Variants in TASP1 observed in about 807,000 individuals in gnomAD.
TASP1 encodes threonine aspartase 1.
A neutral mutation model predicts 56.6 loss-of-function variants in TASP1; 16 were observed. The observed-to-expected ratio is 0.28, with a 90% CI of 0.19 to 0.43. The LOEUF (loss-of-function observed/expected upper bound fraction) is 0.43. Ranked by LOEUF, TASP1 falls within the 20% of genes least tolerant of loss-of-function variation. TASP1 has a pLI of 1.00. For missense variants in TASP1, 393 were observed against 511.6 expected, an observed-to-expected ratio of 0.77 and a Z score of 2.24; for synonymous variants, 179 against 184.2, an observed-to-expected ratio of 0.97 and a Z score of 0.23.
intron 2 of TASP1, 44 bp downstream of exon 2, chr20:13,629,890 A>C (rs1294189324): frequency 6.2e-7 from 1 of 1,608,762 alleles, no homozygotes; most frequent in Admixed American, 1.7e-5. Flanking sequence ...AGAAAAAGAA[A>C]AATCAACATT....
intron 11 of TASP1, among the ~76,000 whole-genome samples, chr20:13,474,175 T>C (rs1393497291): frequency 6.6e-6 from 1 of 152,236 alleles, no homozygotes; most frequent in Admixed American, 6.5e-5. Context: ...TTCAATGGTT[T>C]TGAGTTACAT....
At chr20:13,335,937 C>T in the TASP1 span, among the ~76,000 whole-genome samples, 17 of 151,978 alleles carry the variant, frequency 1.1e-4, no homozygotes, top group Admixed American at 3.3e-4. Context: ...AAAATTTTCC[C>T]GGAACTAAAA....
At chr20:13,373,050 T>A in the TASP1 span, among the ~76,000 whole-genome samples, 2 of 151,892 alleles carry the variant, frequency 1.3e-5, no homozygotes, top group East Asian at 3.9e-4. Context: ...CAAAGAAGAG[T>A]AGGTATTTAT....
intron 10 of TASP1, among the ~76,000 whole-genome samples, chr20:13,503,286 G>C (rs1568518805): frequency 6.6e-6 from 1 of 152,000 alleles, no homozygotes; most frequent in East Asian, 1.9e-4. Flanking sequence ...AACTCCCCAA[G>C]CATGACCCCA....
chr20:13,376,605 T>G, the TASP1 span, among the ~76,000 whole-genome samples: 3 of 152,222 alleles, frequency 2.0e-5, no homozygotes, highest in African/African-American at 7.2e-5. Context: ...TTTTTTCTAA[T>G]TCTGTGAATA....
the TASP1 span, among the ~76,000 whole-genome samples, chr20:13,225,644 T>C: frequency 6.6e-6 from 1 of 152,176 alleles, no homozygotes; most frequent in Non-Finnish European, 1.5e-5. Context: ...ATTGGGTAAC[T>C]GGCTGATGAA....
chr20:13,483,037 G>A (rs2043193714), intron 11 of TASP1, among the ~76,000 whole-genome samples, 190 bp downstream of exon 11: 1 of 152,120 alleles, frequency 6.6e-6, no homozygotes, highest in Non-Finnish European at 1.5e-5. Context: ...TTAGTTATAT[G>A]GAAGATTTCA....
At chr20:13,325,478 CCA>C in the TASP1 span, among the ~76,000 whole-genome samples, 1 of 151,980 alleles carries the variant, frequency 6.6e-6, no homozygotes, top group African/African-American at 2.4e-5. Context: ...ATGAGAGGGT[CCA>C]CAGTTTCTGC....
At chr20:13,320,974 G>A in the TASP1 span, among the ~76,000 whole-genome samples, 6 of 152,044 alleles carry the variant, frequency 3.9e-5, no homozygotes, top group African/African-American at 1.2e-4. Flanking sequence ...CGAGGCTGGT[G>A]GATCAGTTGG....
intron 11 of TASP1, among the ~76,000 whole-genome samples, chr20:13,479,218 T>C (rs1349567139): frequency 6.6e-6 from 1 of 152,108 alleles, no homozygotes; most frequent in African/African-American, 2.4e-5. Context: ...ATATACAATT[T>C]TTCTACACAT....
the TASP1 span, among the ~76,000 whole-genome samples, chr20:13,271,886 C>T: frequency 1.3e-5 from 2 of 152,202 alleles, no homozygotes; most frequent in African/African-American, 4.8e-5. Flanking sequence ...TCAAGCGATC[C>T]TCCCACCTCA....
At chr20:13,551,561 C>G (rs1016622598) in intron 8 of TASP1, among the ~76,000 whole-genome samples, 1 of 152,130 alleles carries the variant, frequency 6.6e-6, no homozygotes, top group Admixed American at 6.6e-5. Context: ...CAGTCATATC[C>G]AGGGCTGGCT....
chr20:13,460,040 T>A (rs997965728), intron 11 of TASP1, among the ~76,000 whole-genome samples: 6 of 152,168 alleles, frequency 3.9e-5, no homozygotes, highest in Non-Finnish European at 8.8e-5. Context: ...GAAAAATTCC[T>A]TCAAAGATGT....
chr20:13,219,043 T>C, the TASP1 span, among the ~76,000 whole-genome samples: 6 of 152,228 alleles, frequency 3.9e-5, no homozygotes, highest in Non-Finnish European at 8.8e-5. Context: ...TTAAAGGTCA[T>C]TTTTGCCTTG....
intron 4 of TASP1, among the ~76,000 whole-genome samples, chr20:13,602,115 G>A (rs1016358285): frequency 6.6e-6 from 1 of 151,574 alleles, no homozygotes; most frequent in Non-Finnish European, 1.5e-5. Context: ...TCCTGACCTC[G>A]TGATCTGCCC....
At chr20:13,589,826 T>C (rs1268808676) in intron 4 of TASP1, among the ~76,000 whole-genome samples, 2 of 152,142 alleles carry the variant, frequency 1.3e-5, no homozygotes, top group Non-Finnish European at 2.9e-5. Flanking sequence ...AAATAAGATA[T>C]ATAAATCAAC....
At chr20:13,467,512 A>T (rs533965042) in intron 11 of TASP1, among the ~76,000 whole-genome samples, 1 of 151,764 alleles carries the variant, frequency 6.6e-6, no homozygotes, top group African/African-American at 2.4e-5. Flanking sequence ...TTTTACCTAT[A>T]GCACTAGTTG....
the TASP1 span, among the ~76,000 whole-genome samples, chr20:13,306,532 G>C: frequency 8.2e-6 from 1 of 121,878 alleles, no homozygotes. Context: ...TTTCACCTTT[G>C]GAGAGCTCAG....
At chr20:13,301,779 C>T in the TASP1 span, among the ~76,000 whole-genome samples, 1 of 151,966 alleles carries the variant, frequency 6.6e-6, no homozygotes, top group Non-Finnish European at 1.5e-5. Context: ...GGTATTCAAG[C>T]AGAGGCTGGA....
Sources: gnomAD v4.1 joint callset for allele counts (sites outside exome capture counted in the v4.1 genomes callset) on GRCh38, gnomAD v4.1.1 for gene constraint, MANE v1.5 for transcripts, NCBI Gene and HGNC (gene_info 2026-07-23, HGNC 2026-07-21) for gene names.